The following GNAL variants were observed in gnomAD, a reference collection of about 807,000 sequenced individuals.
GNAL encodes guanine nucleotide-binding protein G(olf) subunit alpha.
GNAL carries 18 observed loss-of-function variants against 55.1 expected under a neutral mutation model. The observed-to-expected ratio is 0.33, with a 90% CI of 0.23 to 0.48. GNAL has a LOEUF of 0.48. GNAL is among the 20% of genes least tolerant of loss of function. GNAL has a pLI of 0.99. For synonymous variants in GNAL, 253 were observed against 237.0 expected, an observed-to-expected ratio of 1.07 and a Z score of -0.62; for missense variants, 412 against 614.1, an observed-to-expected ratio of 0.67 and a Z score of 3.48.
At chr18:11,740,220 C>T (rs959997021) in intron 1 of GNAL, among the ~76,000 whole-genome samples, 3 of 152,178 alleles carry the variant, frequency 2.0e-5, no homozygotes, top group African/African-American at 4.8e-5. Flanking sequence ...AATGAGAGCC[C>T]CTTCAATCCA....
chr18:11,729,295 C>T (rs1260584570), intron 1 of GNAL, among the ~76,000 whole-genome samples: 3 of 152,176 alleles, frequency 2.0e-5, no homozygotes, highest in Admixed American at 6.5e-5. Context: ...GCTCCTCTTG[C>T]CCCACCTGTG....
In GNAL at chr18:11,746,610, A is replaced by C. The variant is rs147751234; in HGVS notation, c.377-6243A>C. ...GGCAGCAGAGTGAGACCCTGTGTCT[A>C]AAAAAAAGAAAGAAGAAGAAGGAGA... On this transcript the variant is annotated intron_variant, in intron 1 of 11. Transcript: ENST00000334049. The C allele has an allele frequency of 6.5e-3, 1,542 of 237,354 alleles. 21 individuals carry two copies. The highest frequency in any genetic ancestry group is 0.033 in the African/African-American group (1,443 of 44,262). 14.7% of individuals were successfully genotyped at this position (237,354 alleles called of 1,614,324 possible). A position where few individuals can be genotyped will look rare whatever the true frequency, so the allele number is the denominator to read the frequency against.
intron 1 of GNAL, among the ~76,000 whole-genome samples, chr18:11,702,551 A>G (rs1319979372): frequency 6.6e-6 from 1 of 152,224 alleles, no homozygotes; most frequent in Non-Finnish European, 1.5e-5. Context: ...TTGTTTATTC[A>G]GTAGCAATTA....
intron 4 of GNAL, among the ~76,000 whole-genome samples, chr18:11,799,663 T>A (rs1000305774): frequency 1.3e-5 from 2 of 152,212 alleles, no homozygotes; most frequent in African/African-American, 4.8e-5. Flanking sequence ...GGATTAGGGA[T>A]GCTCAACCTA....
intron 1 of GNAL, among the ~76,000 whole-genome samples, chr18:11,742,298 C>T (rs2032593792): frequency 6.6e-6 from 1 of 152,220 alleles, no homozygotes; most frequent in Non-Finnish European, 1.5e-5. Flanking sequence ...CATGCTGCCT[C>T]ATGGAGAGGG....
rs577117877 is a variant in GNAL, at chr18:11,752,764, G to T, written c.377-89G>T. ...CGCGTGTAGGAAATCCCCGTGCTGGGGGAGGAGGATTGCTCAGACCCGGCT... is the reference window on the plus strand; with the variant it reads ...CGCGTGTAGGAAATCCCCGTGCTGGTGGAGGAGGATTGCTCAGACCCGGCT... On this transcript the variant is annotated intron_variant, in intron 1 of 11. Coordinates refer to ENST00000334049, the MANE Select transcript of GNAL (RefSeq NM_182978.4). The surrounding 1 kb of genome is among the most constrained non-coding windows in gnomAD (Gnocchi z 4.5). The T allele has an allele frequency of 9.6e-4, 1,114 of 1,154,886 alleles. 1 individual carries two copies. The highest frequency in any genetic ancestry group is 9.4e-4 in the Non-Finnish European group (729 of 772,518). 71.5% of individuals were successfully genotyped at this position (1,154,886 alleles called of 1,614,324 possible).
intron 1 of GNAL, among the ~76,000 whole-genome samples, chr18:11,703,200 G>A (rs1442679722): frequency 6.6e-6 from 1 of 152,344 alleles, no homozygotes; most frequent in East Asian, 1.9e-4. Context: ...GAAACCCCTC[G>A]TTTTGAGAGG....
rs201008974 is a variant in GNAL at position 11,732,081 on chromosome 18, T to C, written c.377-20772T>C. ...TATACCATATTTTGTCTATTTATCA[T>C]TGGTGGACATTTGCGTGTTTCTGCT... On this transcript the variant is annotated intron_variant, in intron 1 of 11. Transcript: ENST00000334049. Among the ~76,000 whole-genome samples the C allele has an allele frequency of 8.5e-5, 13 of 152,360 alleles. No individual in the cohort carries two copies. The East Asian group carries it at 2.5e-3, about 29-fold the overall frequency.
chr18:11,785,668 G>C (rs541860879), intron 4 of GNAL, among the ~76,000 whole-genome samples: 4 of 152,196 alleles, frequency 2.6e-5, no homozygotes, highest in South Asian at 2.1e-4. Context: ...GAATTGCCTT[G>C]CTTTTTTTTT....
chr18:11,754,395 C>G (rs1010536386), intron 4 of GNAL, among the ~76,000 whole-genome samples: 7 of 149,822 alleles, frequency 4.7e-5, no homozygotes, highest in African/African-American at 1.7e-4. Context: ...CCAGCCTGGG[C>G]GACAGAGCGA....
chr18:11,739,049 C>T (rs954177067), intron 1 of GNAL, among the ~76,000 whole-genome samples: 1 of 152,182 alleles, frequency 6.6e-6, no homozygotes, highest in African/African-American at 2.4e-5. Context: ...CCGCTGCCCA[C>T]TGAACGAGGG....
rs1488166316 is a variant in GNAL, at chr18:11,751,023, G to A, written c.377-1830G>A. Among the ~76,000 whole-genome samples, 1 of 152,124 alleles carries A rather than the reference G, an allele frequency of 6.6e-6. No homozygotes were observed. Among genetic ancestry groups the A allele is most frequent in the African/African-American group, 2.4e-5 (1 of 41,418 alleles). ...GCGGGCTGGGGTCTGTTCTCCTGAA[G>A]AAGGCCAGCTCCGCAGTGAAGAAGA... On this transcript the variant is annotated intron_variant, in intron 1 of 11. Transcript: ENST00000334049. The surrounding 1 kb of genome is among the most constrained non-coding windows in gnomAD (Gnocchi z 4.5).
rs1368397979 is a variant in GNAL at position 11,882,503 on chromosome 18, T to C, written c.*1368T>C. The stretch of plus-strand genomic sequence containing the variant: ...GAGATCAAGACCATCCTGGCTAACA[T>C]GGCGAAACCCTGTCTCTACCAAAAA... On this transcript the variant is annotated 3_prime_UTR_variant, in exon 12 of 12. Transcript: ENST00000334049. 3 of 152,122 alleles carry C rather than the reference T, an allele frequency of 2.0e-5. No homozygotes were observed. Among genetic ancestry groups the C allele is most frequent in the Non-Finnish European group, 2.9e-5 (2 of 68,078 alleles). The allele number at this position is 152,122 out of a possible 1,614,324, so 9.4% of individuals were successfully genotyped here.
intron 4 of GNAL, among the ~76,000 whole-genome samples, chr18:11,776,959 A>C (rs537641137): frequency 2.0e-5 from 3 of 152,322 alleles, no homozygotes; most frequent in African/African-American, 7.2e-5. Flanking sequence ...TCAATACATC[A>C]TAAAAGCATG....
intron 4 of GNAL, chr18:11,810,950 A>G (rs969155475): frequency 2.6e-5 from 4 of 152,112 alleles, no homozygotes; most frequent in African/African-American, 9.7e-5. Flanking sequence ...CGTGCTTATG[A>G]TCTGAGCACA....
chr18:11,827,001 G>A (rs2035262702), intron 5 of GNAL, among the ~76,000 whole-genome samples: 1 of 152,134 alleles, frequency 6.6e-6, no homozygotes, highest in Admixed American at 6.6e-5. Context: ...CAGCACATCT[G>A]GGAGAGAGGG....
chr18:11,811,035 C>G (rs2034800475), intron 4 of GNAL, among the ~76,000 whole-genome samples: 1 of 152,146 alleles, frequency 6.6e-6, no homozygotes, highest in African/African-American at 2.4e-5. Flanking sequence ...TCTCCACATG[C>G]AGGTGTTCTG....
At chr18:11,809,645 C>T (rs1017530415) in intron 4 of GNAL, among the ~76,000 whole-genome samples, 6 of 152,004 alleles carry the variant, frequency 3.9e-5, no homozygotes, top group Admixed American at 3.9e-4. Context: ...AGACATGAAA[C>T]TCACTGGGCC....
At chr18:11,714,929 C>T (rs908172113) in intron 1 of GNAL, among the ~76,000 whole-genome samples, 1 of 152,062 alleles carries the variant, frequency 6.6e-6, no homozygotes, top group African/African-American at 2.4e-5. Flanking sequence ...ATCACTTGAA[C>T]TCAGAGTTCA....
Sources: allele counts gnomAD v4.1 joint callset (sites outside exome capture counted in the v4.1 genomes callset), GRCh38; gene constraint gnomAD v4.1.1; non-coding constraint Gnocchi (gnomAD v3.1); transcripts MANE v1.5; gene names NCBI Gene and HGNC (gene_info 2026-07-23, HGNC 2026-07-21).